Variants in MPIG6B observed in about 807,000 individuals in gnomAD.
MPIG6B encodes megakaryocyte and platelet inhibitory receptor G6b, also known as immunoglobulin receptor.
Under a neutral mutation model 24.2 loss-of-function variants are expected in MPIG6B, and 22 were observed. The observed-to-expected ratio is 0.91, with a 90% CI of 0.65 to 1.30. The LOEUF (loss-of-function observed/expected upper bound fraction) is 1.30. Among genes scored for constraint, MPIG6B ranks in the 50% most tolerant of loss-of-function variants. The probability of loss-of-function intolerance (pLI) is 0.00; values close to 1 mark genes in which losing one functional copy is unlikely to be tolerated. For synonymous variants in MPIG6B, 136 were observed against 142.0 expected (o/e 0.96, Z 0.30); for missense variants, 301 against 318.5 (o/e 0.94, Z 0.42).
intron 2 of MPIG6B, 48 bp from the exon 3 acceptor site, chr6:31,724,094 G>C: frequency 6.3e-7 from 1 of 1,585,066 alleles, no homozygotes. Flanking sequence ...GCTGTCCCTC[G>C]TCAAACCCCT....
At position 31,723,793 on chromosome 6, in the gene MPIG6B, C is replaced by T. The variant is rs1807040768; in HGVS notation, c.216C>T (p.Pro72=). The T allele has an allele frequency of 6.2e-7, 1 of 1,614,036 alleles. No individual in the cohort carries two copies. The highest frequency in any genetic ancestry group is 8.5e-7 in the Non-Finnish European group (1 of 1,180,010). ...TGTGGGCCTCTTCGAGCGGGACCCC[C>T]ACCGTGCCTCCCCTCCAGCCTTTCG... ...PILWASSSGT[P]TVPPLQPFVG... is the part of the protein sequence containing the mutation. Residue 72 remains proline (P), a synonymous_variant, in exon 2 of 6, where the codon CCC becomes CCT. Transcript: ENST00000649779. The surrounding 1 kb of genome is among the most constrained non-coding windows in gnomAD (Gnocchi z 4.3).
rs1243687729 is a variant in MPIG6B at position 31,723,920 on chromosome 6, G to C, written c.343G>C (p.Glu115Gln). ...TFFCKGRHED[E>Q]SRTVLHVLGD... ...TTTCTGCAAGGGCCGCCACGAGGAC[G>C]AGAGCCGTACAGTGCTTCACGTGCT... is the stretch of plus-strand genomic sequence containing the variant. The change falls in exon 2 of 6, where the codon GAG (glutamate) becomes CAG (glutamine). Residue 115 changes from glutamate to glutamine, a missense_variant. Physicochemically the swap from Glu to Gln is conservative, Grantham distance 29. Coordinates refer to ENST00000649779, the MANE Select transcript of MPIG6B (RefSeq NM_138272.3). The surrounding 1 kb of genome is among the most constrained non-coding windows in gnomAD (Gnocchi z 4.3). The C allele has an allele frequency of 9.4e-6, 15 of 1,593,346 alleles. No homozygotes were observed. The highest frequency in any genetic ancestry group is 1.2e-5 in the Non-Finnish European group (14 of 1,169,664).
chr6:31,725,518 G>A lies in MPIG6B; in HGVS notation c.*444G>A, dbSNP rs1172978292. The A allele has an allele frequency of 3.1e-5, 5 of 163,434 alleles. No homozygotes were observed. The highest frequency in any genetic ancestry group is 1.9e-4 in the Admixed American group (3 of 16,094). 10.1% of individuals were successfully genotyped at this position (163,434 alleles called of 1,614,324 possible). A position where few individuals can be genotyped will look rare whatever the true frequency, so the allele number is the denominator to read the frequency against. On this transcript the variant is annotated 3_prime_UTR_variant, in exon 6 of 6. Transcript: ENST00000649779. The surrounding 1 kb of genome is among the most constrained non-coding windows in gnomAD (Gnocchi z 5.2). ...AATTTTTTGTATTTTTAGTAGAGACGGGGTTTCACTGTGTTAGCCAGGATG... is the reference window on the plus strand; with the variant it reads ...AATTTTTTGTATTTTTAGTAGAGACAGGGTTTCACTGTGTTAGCCAGGATG...
rs969514437 is a variant in MPIG6B, at chr6:31,725,469, A to G, written c.*395A>G. ...CAGGCTCCTGAGTAGCTGGGACTAC[A>G]GGCGCCCGCCACCACGCCCAGCTAA... is the stretch of plus-strand genomic sequence containing the variant. On this transcript the variant is annotated 3_prime_UTR_variant, in exon 6 of 6. Coordinates refer to ENST00000649779, the MANE Select transcript of MPIG6B (RefSeq NM_138272.3). This position sits in a 1 kb window ranked among gnomAD's most constrained non-coding sequence, Gnocchi z 5.2. The G allele has an allele frequency of 2.8e-5, 5 of 177,764 alleles. No homozygotes were observed. Among genetic ancestry groups the G allele is most frequent in the Non-Finnish European group, 5.9e-5 (5 of 85,028 alleles). 11.0% of individuals were successfully genotyped at this position (177,764 alleles called of 1,614,324 possible). A position where few individuals can be genotyped will look rare whatever the true frequency, so the allele number is the denominator to read the frequency against.
At position 31,725,316 on chromosome 6, in the gene MPIG6B, T is replaced by C; in HGVS notation, c.*242T>C. On this transcript the variant is annotated 3_prime_UTR_variant, in exon 6 of 6. Transcript: ENST00000649779. The surrounding 1 kb of genome is among the most constrained non-coding windows in gnomAD (Gnocchi z 5.2). Reference sequence around the variant, plus strand: ...CCACCAGTGTCCTCTCTATACCCAATCAAGCCCTAGCTCCTTTTTTTTTTT... The same window carrying C: ...CCACCAGTGTCCTCTCTATACCCAACCAAGCCCTAGCTCCTTTTTTTTTTT... 1 of 468,766 alleles carries C rather than the reference T, an allele frequency of 2.1e-6. No individual in the cohort carries two copies. Among genetic ancestry groups the C allele is most frequent in the South Asian group, 3.4e-5 (1 of 29,064 alleles). 29.0% of individuals were successfully genotyped at this position (468,766 alleles called of 1,614,324 possible).
In MPIG6B at chr6:31,723,814, T is replaced by C; in HGVS notation, c.237T>C (p.Pro79=). The C allele has an allele frequency of 6.2e-7, 1 of 1,613,774 alleles. No homozygotes were observed. Among genetic ancestry groups the C allele is most frequent in the Non-Finnish European group, 8.5e-7 (1 of 1,179,872 alleles). ...SGTPTVPPLQ[P]FVGRLRSLDS... The stretch of plus-strand genomic sequence containing the variant: ...CCCCCACCGTGCCTCCCCTCCAGCC[T>C]TTCGTCGGCCGCCTACGCTCCCTGG... Residue 79 remains proline (P), a synonymous_variant, in exon 2 of 6, where the codon CCT becomes CCC. Coordinates refer to ENST00000649779, the MANE Select transcript of MPIG6B (RefSeq NM_138272.3). The surrounding 1 kb of genome is among the most constrained non-coding windows in gnomAD (Gnocchi z 4.3).
In MPIG6B at chr6:31,723,550, T is replaced by A; in HGVS notation, c.62-89T>A. The A allele has an allele frequency of 7.0e-7, 1 of 1,433,384 alleles. No individual in the cohort carries two copies. The highest frequency in any genetic ancestry group is 9.6e-7 in the Non-Finnish European group (1 of 1,037,752). The allele number at this position is 1,433,384 out of a possible 1,614,324, so 88.8% of individuals were successfully genotyped here. ...GTGGGAAGATCCAGGATGGCTGGAG[T>A]GCAGAACAGAGAAGAGAAAGAGGAG... On this transcript the variant is annotated intron_variant, in intron 1 of 5. Coordinates refer to ENST00000649779, the MANE Select transcript of MPIG6B (RefSeq NM_138272.3). This position sits in a 1 kb window ranked among gnomAD's most constrained non-coding sequence, Gnocchi z 4.3.
chr6:31,724,221 G>T lies in MPIG6B; in HGVS notation c.489G>T (p.Trp163Cys). Residue 163 changes from tryptophan to cysteine, a missense_variant, in exon 3 of 6, where the codon TGG becomes TGT. Coordinates refer to ENST00000649779, the MANE Select transcript of MPIG6B (RefSeq NM_138272.3). The part of the protein sequence containing the change: ...VLGLGALGLV[W>C]WLHRRLPPQP... ...GACTGGGAGCTTTGGGCCTGGTCTG[G>T]TGGCTGCACAGGTGAGCAGGAGGGA... is the stretch of plus-strand genomic sequence containing the variant. 2 of 1,612,986 alleles carry T rather than the reference G, an allele frequency of 1.2e-6. No individual in the cohort carries two copies. Among genetic ancestry groups the T allele is most frequent in the East Asian group, 2.2e-5 (1 of 44,880 alleles).
chr6:31,722,961 C>A (rs182729373), upstream of MPIG6B: 2,067 of 264,384 alleles, frequency 7.8e-3, 65 homozygotes, highest in South Asian at 0.057. Flanking sequence ...TATCACAATC[C>A]CCTACAAAAC....
At chr6:31,721,918 A>G, upstream of MPIG6B, 2 of 515,644 alleles carry the variant, frequency 3.9e-6, no homozygotes, top group Non-Finnish European at 6.9e-6. Context: ...GGGATGGGGG[A>G]AGGCAGGTGC....
chr6:31,726,652 G>T lies in MPIG6B; in HGVS notation c.*1578G>T, dbSNP rs1017191971. The T allele has an allele frequency of 6.6e-6, 1 of 152,220 alleles. No homozygotes were observed. Among genetic ancestry groups the T allele is most frequent in the African/African-American group, 2.4e-5 (1 of 41,408 alleles). The allele number at this position is 152,220 out of a possible 1,614,324, so 9.4% of individuals were successfully genotyped here. A position where few individuals can be genotyped will look rare whatever the true frequency, so the allele number is the denominator to read the frequency against. ...TTGCATGTACTGTGAGCTCCCCAACGTCAGGAGACTGACCCTTTTGATATC... is the reference window on the plus strand; with the variant it reads ...TTGCATGTACTGTGAGCTCCCCAACTTCAGGAGACTGACCCTTTTGATATC... On this transcript the variant is annotated 3_prime_UTR_variant, in exon 6 of 6. Transcript: ENST00000649779. This position sits in a 1 kb window ranked among gnomAD's most constrained non-coding sequence, Gnocchi z 5.1.
In MPIG6B at chr6:31,725,231, G is replaced by A. The variant is rs1239444343; in HGVS notation, c.*157G>A. On this transcript the variant is annotated 3_prime_UTR_variant, in exon 6 of 6. Transcript: ENST00000649779. This position sits in a 1 kb window ranked among gnomAD's most constrained non-coding sequence, Gnocchi z 5.2. ...GAGACCTGGGTTCCAGGCTGTCTCT[G>A]CCACTGGTCTTACTTCTAAACTTAC... 9.8e-6 allele frequency: 6 copies of A among 612,262 alleles called. No homozygotes were observed. Among genetic ancestry groups the A allele is most frequent in the Non-Finnish European group, 1.5e-5 (5 of 344,432 alleles). 37.9% of individuals were successfully genotyped at this position (612,262 alleles called of 1,614,324 possible).
At position 31,726,142 on chromosome 6, in the gene MPIG6B, C is replaced by T. The variant is rs1807347161; in HGVS notation, c.*1068C>T. On this transcript the variant is annotated 3_prime_UTR_variant, in exon 6 of 6. Transcript: ENST00000649779. This position sits in a 1 kb window ranked among gnomAD's most constrained non-coding sequence, Gnocchi z 5.1. ...TTCCTTCCTGGATTACCCATAGCCC[C>T]ACCTCATCCTCCTACCCTTGCTTTC... The T allele has an allele frequency of 6.6e-6, 1 of 152,624 alleles. No individual in the cohort carries two copies. The highest frequency in any genetic ancestry group is 1.5e-5 in the Non-Finnish European group (1 of 68,114). The allele number at this position is 152,624 out of a possible 1,614,324, so 9.5% of individuals were successfully genotyped here.
rs1261047022 is a variant in MPIG6B at position 31,723,467 on chromosome 6, G to A, written c.61+23G>A. The A allele has an allele frequency of 5.0e-6, 8 of 1,607,262 alleles. No individual in the cohort carries two copies. Among genetic ancestry groups the A allele is most frequent in the Non-Finnish European group, 6.8e-6 (8 of 1,174,666 alleles). On this transcript the variant is annotated intron_variant, in intron 1 of 5. Transcript: ENST00000649779. The surrounding 1 kb of genome is among the most constrained non-coding windows in gnomAD (Gnocchi z 4.3). ...GGGGTAAGCGATCCCTGGGAGAGTTGTGATAGACGCAGAGGGGCTGAAGCA... is the reference window on the plus strand; with the variant it reads ...GGGGTAAGCGATCCCTGGGAGAGTTATGATAGACGCAGAGGGGCTGAAGCA...
upstream of MPIG6B, chr6:31,723,218 C>T: frequency 1.5e-6 from 1 of 664,812 alleles, no homozygotes; most frequent in Non-Finnish European, 2.7e-6. The surrounding 1 kb of genome is among the most constrained non-coding windows in gnomAD (Gnocchi z 4.3). Flanking sequence ...CCGAGTTTGC[C>T]TGCGAGGATT....
At chr6:31,721,548 G>A (rs1806784407), upstream of MPIG6B, 2 of 1,352,372 alleles carry the variant, frequency 1.5e-6, no homozygotes, top group Admixed American at 1.8e-5. Flanking sequence ...CGAGTGGTGG[G>A]TAGGGCCGGG....
At position 31,725,153 on chromosome 6, in the gene MPIG6B, C is replaced by T; in HGVS notation, c.*79C>T. Reference sequence around the variant, plus strand: ...TCCCTCTCCCCTCCTTGGTTCCTCACCTGGAAGAGGAAGGCACCATGGTAT... The same window carrying T: ...TCCCTCTCCCCTCCTTGGTTCCTCATCTGGAAGAGGAAGGCACCATGGTAT... On this transcript the variant is annotated 3_prime_UTR_variant, in exon 6 of 6. Transcript: ENST00000649779. This position sits in a 1 kb window ranked among gnomAD's most constrained non-coding sequence, Gnocchi z 5.2. The T allele has an allele frequency of 9.4e-7, 1 of 1,059,052 alleles. No individual in the cohort carries two copies. The highest frequency in any genetic ancestry group is 1.4e-6 in the Non-Finnish European group (1 of 695,224). The allele number at this position is 1,059,052 out of a possible 1,614,324, so 65.6% of individuals were successfully genotyped here. A position where few individuals can be genotyped will look rare whatever the true frequency, so the allele number is the denominator to read the frequency against.
Position 31,725,110 on chromosome 6 carries a change from G to C in MPIG6B, c.*36G>C. On this transcript the variant is annotated 3_prime_UTR_variant, in exon 6 of 6. Transcript: ENST00000649779. This position sits in a 1 kb window ranked among gnomAD's most constrained non-coding sequence, Gnocchi z 5.2. Reference sequence around the variant, plus strand: ...TTACTCCAAACCTCCCAAGCTAGGGGATCCCAGCTCCCCATAATCCCTCTC... The same window carrying C: ...TTACTCCAAACCTCCCAAGCTAGGGCATCCCAGCTCCCCATAATCCCTCTC... The C allele has an allele frequency of 6.8e-7, 1 of 1,464,968 alleles. No homozygotes were observed. The highest frequency in any genetic ancestry group is 9.6e-7 in the Non-Finnish European group (1 of 1,046,368). 90.7% of individuals were successfully genotyped at this position (1,464,968 alleles called of 1,614,324 possible). A position where few individuals can be genotyped will look rare whatever the true frequency, so the allele number is the denominator to read the frequency against.
At chr6:31,723,346 C>G, upstream of MPIG6B, 1 of 1,598,064 alleles carries the variant, frequency 6.3e-7, no homozygotes, top group Non-Finnish European at 8.5e-7. The surrounding 1 kb of genome is among the most constrained non-coding windows in gnomAD (Gnocchi z 4.3). Flanking sequence ...CCCCACGCCG[C>G]TGATTCGCTC....
Sources: gnomAD v4.1 joint callset for allele counts on GRCh38, gnomAD v4.1.1 for gene constraint, Gnocchi (gnomAD v3.1) non-coding constraint, MANE v1.5 for transcripts, NCBI Gene and HGNC (gene_info 2026-07-23, HGNC 2026-07-21) for gene names.